Variants in UBE2H observed in about 807,000 individuals in gnomAD.
UBE2H encodes ubiquitin conjugating enzyme E2 H.
Under a neutral mutation model 29.0 loss-of-function variants are expected in UBE2H, and 3 were observed. The observed-to-expected ratio is 0.10, with a 90% CI of 0.05 to 0.27. The LOEUF (loss-of-function observed/expected upper bound fraction) is 0.27, where lower values mean the gene tolerates loss of function less well. Ranked by LOEUF, UBE2H falls within the 10% of genes least tolerant of loss-of-function variation. UBE2H has a pLI of 1.00. For synonymous variants in UBE2H, 69 were observed against 82.9 expected, an observed-to-expected ratio of 0.83 and a Z score of 0.91; for missense variants, 68 against 228.2, an observed-to-expected ratio of 0.30 and a Z score of 4.52.
chr7:129,879,742 T>G (rs1806217422), intron 2 of UBE2H, 100 bp from the exon 3 acceptor site: 2 of 1,082,818 alleles, frequency 1.8e-6, no homozygotes, highest in East Asian at 2.4e-5. Flanking sequence ...CTGAAAACCT[T>G]CCAAATTAAT....
At chr7:129,938,637 C>T (rs1807579765) in intron 1 of UBE2H, among the ~76,000 whole-genome samples, 2 of 148,974 alleles carry the variant, frequency 1.3e-5, no homozygotes, top group Admixed American at 6.8e-5. Flanking sequence ...ACCCGGGAGG[C>T]GGAGGTTGTG....
chr7:129,933,119 G>A (rs1807443518), intron 1 of UBE2H, among the ~76,000 whole-genome samples: 1 of 152,250 alleles, frequency 6.6e-6, no homozygotes, highest in Admixed American at 6.5e-5. Flanking sequence ...TAAATATCTG[G>A]TTTAAGTATC....
intron 1 of UBE2H, among the ~76,000 whole-genome samples, chr7:129,929,317 CAAAA>C (rs1255962023): frequency 1.1e-5 from 1 of 91,496 alleles, no homozygotes; most frequent in Non-Finnish European, 2.2e-5. Flanking sequence ...AACTCCATCT[CAAAA>C]AAAAAAAAAA....
chr7:129,839,404 AGT>A (rs1805386983), intron 5 of UBE2H, 69 bp from the exon 6 acceptor site: 4 of 1,600,104 alleles, frequency 2.5e-6, no homozygotes. Context: ...TGCATTCAGT[AGT>A]CAAGCTGCTT....
At chr7:129,845,451 T>C (rs1805496162) in intron 5 of UBE2H, among the ~76,000 whole-genome samples, 1 of 152,220 alleles carries the variant, frequency 6.6e-6, no homozygotes, top group Non-Finnish European at 1.5e-5. Flanking sequence ...TGTTCACCTC[T>C]AACAGCTCGA....
At chr7:129,844,638 T>TC (rs1805481623) in intron 5 of UBE2H, among the ~76,000 whole-genome samples, 1 of 152,180 alleles carries the variant, frequency 6.6e-6, no homozygotes, top group South Asian at 2.1e-4. Flanking sequence ...TTTCCGCCTG[T>TC]CTTAACTTTT....
intron 5 of UBE2H, among the ~76,000 whole-genome samples, chr7:129,848,256 T>C (rs1805546638): frequency 6.6e-6 from 1 of 152,176 alleles, no homozygotes; most frequent in Non-Finnish European, 1.5e-5. Context: ...CACATCACTA[T>C]GTACCCCATG....
chr7:129,947,908 A>G (rs1054406418), intron 1 of UBE2H, among the ~76,000 whole-genome samples: 1 of 151,982 alleles, frequency 6.6e-6, no homozygotes, highest in Non-Finnish European at 1.5e-5. Flanking sequence ...GCTGGAGTGC[A>G]ATGGTGTAAT....
At chr7:129,864,610 G>T (rs1805865190) in intron 3 of UBE2H, among the ~76,000 whole-genome samples, 2 of 134,668 alleles carry the variant, frequency 1.5e-5, no homozygotes, top group Admixed American at 8.4e-5. Flanking sequence ...CTGGAGTGCA[G>T]TGGCGATCTC....
chr7:129,928,579 C>A (rs1238398848), intron 1 of UBE2H, among the ~76,000 whole-genome samples: 1 of 151,990 alleles, frequency 6.6e-6, no homozygotes, highest in Non-Finnish European at 1.5e-5. Flanking sequence ...CTCCAGCCTG[C>A]GCGACAAAGC....
intron 1 of UBE2H, among the ~76,000 whole-genome samples, chr7:129,929,121 C>A (rs1807334219): frequency 6.6e-6 from 1 of 151,994 alleles, no homozygotes; most frequent in African/African-American, 2.4e-5. Flanking sequence ...GAGTTTGAGA[C>A]CAGCCTGAAC....
chr7:129,867,724 C>CAAAAAAAAAAAAAAAAA (rs1473451530), intron 3 of UBE2H, among the ~76,000 whole-genome samples: 14 of 31,206 alleles, frequency 4.5e-4, no homozygotes, highest in African/African-American at 5.4e-4. Context: ...AAAAGAAAAC[C>CAAAAAAAAAAAAAAAAA]AAAAAAAAAA....
At chr7:129,843,241 T>A (rs1805458045) in intron 5 of UBE2H, among the ~76,000 whole-genome samples, 1 of 152,028 alleles carries the variant, frequency 6.6e-6, no homozygotes, top group South Asian at 2.1e-4. Flanking sequence ...CCTCGTGATC[T>A]GCCCGCCTCG....
At chr7:129,923,226 G>A (rs1355607003) in intron 1 of UBE2H, among the ~76,000 whole-genome samples, 1 of 152,086 alleles carries the variant, frequency 6.6e-6, no homozygotes, top group African/African-American at 2.4e-5. Context: ...CCATTATTAT[G>A]CAATTCAATC....
chr7:129,864,914 T>C (rs934302964), intron 3 of UBE2H: 2 of 235,184 alleles, frequency 8.5e-6, no homozygotes, highest in Non-Finnish European at 1.8e-5. Flanking sequence ...CAGAACTCCT[T>C]AAGTTTTTTG....
chr7:129,873,020 GTTT>G (rs10677960), intron 3 of UBE2H, among the ~76,000 whole-genome samples: 1 of 139,688 alleles, frequency 7.2e-6, no homozygotes, highest in Non-Finnish European at 1.6e-5. Flanking sequence ...ATAGCTCAGA[GTTT>G]TTTTTTTTTT....
chr7:129,886,622 A>T (rs1806364389), intron 1 of UBE2H, among the ~76,000 whole-genome samples: 4 of 152,006 alleles, frequency 2.6e-5, no homozygotes, highest in Admixed American at 2.6e-4. Flanking sequence ...TGGCATAAAG[A>T]ACGCGCTTCT....
At position 129,886,767 on chromosome 7, in the gene UBE2H, T is replaced by TAAA. The variant is rs79067201; in HGVS notation, c.54-5799_54-5797dup. Among the ~76,000 whole-genome samples the TAAA allele has an allele frequency of 8.9e-4, 64 of 72,056 alleles. 1 individual carries two copies. The highest frequency in any genetic ancestry group is 2.1e-3 in the South Asian group (4 of 1,900). 47.3% of individuals were successfully genotyped at this position (72,056 alleles called of 152,430 possible). On this transcript the variant is annotated intron_variant, in intron 1 of 6. Transcript: ENST00000355621. ...CACTACCTGGTTTTTTGTTTTTTGGTAAAAAAAAAAAAAAAAAAAAAAAAA... is the reference window on the plus strand; with the variant it reads ...CACTACCTGGTTTTTTGTTTTTTGGTAAAAAAAAAAAAAAAAAAAAAAAAAAAA...
At chr7:129,899,151 GT>G (rs1376563719) in intron 1 of UBE2H, among the ~76,000 whole-genome samples, 1 of 151,974 alleles carries the variant, frequency 6.6e-6, no homozygotes, top group Non-Finnish European at 1.5e-5. Context: ...TCTGCTGTTT[GT>G]TTTGTTTTGT....
Sources: gnomAD v4.1 joint callset for allele counts (sites outside exome capture counted in the v4.1 genomes callset) on GRCh38, gnomAD v4.1.1 for gene constraint, MANE v1.5 for transcripts, NCBI Gene and HGNC (gene_info 2026-07-23, HGNC 2026-07-21) for gene names.